The following JPH3 variants were observed in gnomAD, a reference collection of about 807,000 sequenced individuals.
JPH3 encodes junctophilin-3.
JPH3 carries 11 observed loss-of-function variants against 59.6 expected under a neutral mutation model. That is an observed-to-expected ratio of 0.18 (90% confidence interval 0.12 to 0.31). JPH3 has a LOEUF of 0.31. JPH3 is among the 10% of genes least tolerant of loss of function. The pLI is 1.00. For synonymous variants in JPH3, 673 were observed against 483.6 expected (o/e 1.39, Z -5.14); for missense variants, 1,202 against 1,105.7 (o/e 1.09, Z -1.24).
intron 2 of JPH3, among the ~76,000 whole-genome samples, chr16:87,668,097 C>T (rs747444998): frequency 6.6e-6 from 1 of 152,204 alleles, no homozygotes; most frequent in Non-Finnish European, 1.5e-5. Flanking sequence ...CAGAGCGCAG[C>T]GCCCGGCTCC....
intron 2 of JPH3, among the ~76,000 whole-genome samples, chr16:87,662,823 A>AG (rs929132367): frequency 6.6e-6 from 1 of 152,184 alleles, no homozygotes; most frequent in Non-Finnish European, 1.5e-5. Context: ...TCCACCTTCC[A>AG]GGGGGCAGCC....
intron 2 of JPH3, among the ~76,000 whole-genome samples, chr16:87,659,803 A>G (rs1291221921): frequency 6.6e-6 from 1 of 152,060 alleles, no homozygotes; most frequent in African/African-American, 2.4e-5. Context: ...TGGTGCAACC[A>G]TGACCACCAT....
intron 1 of JPH3, among the ~76,000 whole-genome samples, chr16:87,632,134 C>T (rs1265505411): frequency 1.3e-5 from 2 of 152,188 alleles, no homozygotes; most frequent in Non-Finnish European, 2.9e-5. Context: ...TCGCTTCTGG[C>T]TACAGTCTGT....
chr16:87,612,303 G>T (rs1282809656), intron 1 of JPH3, among the ~76,000 whole-genome samples: 1 of 152,048 alleles, frequency 6.6e-6, no homozygotes, highest in Non-Finnish European at 1.5e-5. Flanking sequence ...TTTGTTATTT[G>T]TTGTAGAGAT....
intron 1 of JPH3, among the ~76,000 whole-genome samples, chr16:87,628,668 C>A (rs1043122670): frequency 1.3e-5 from 2 of 152,178 alleles, no homozygotes; most frequent in South Asian, 4.1e-4. Flanking sequence ...ATGTCTCCCT[C>A]GCGGGGCTGT....
intron 1 of JPH3, among the ~76,000 whole-genome samples, chr16:87,621,999 T>C (rs1224607122): frequency 6.6e-6 from 1 of 152,184 alleles, no homozygotes; most frequent in Non-Finnish European, 1.5e-5. Flanking sequence ...CTCACTCTAC[T>C]GTGATCTCAG....
chr16:87,690,144 C>G lies in JPH3; in HGVS notation c.1784C>G (p.Pro595Arg). 1 of 1,596,510 alleles carries G rather than the reference C, an allele frequency of 6.3e-7. No individual in the cohort carries two copies. The highest frequency in any genetic ancestry group is 2.3e-5 in the East Asian group (1 of 43,630). ...TSHHRASNHSPGGSRLLELQE... is the reference protein window; with the variant it reads ...TSHHRASNHSRGGSRLLELQE... ...CACCACCGGGCCAGCAACCACAGCCCCGGAGGCTCCAGGCTGCTGGAGCTG... is the reference window on the plus strand; with the variant it reads ...CACCACCGGGCCAGCAACCACAGCCGCGGAGGCTCCAGGCTGCTGGAGCTG... Residue 595 changes from proline to arginine, a missense_variant, in exon 4 of 5, where the codon CCC (proline) becomes CGC (arginine). Physicochemically the swap from Pro to Arg is moderately radical, Grantham distance 103 (BLOSUM62 -2). Coordinates refer to ENST00000284262, the MANE Select transcript of JPH3 (RefSeq NM_020655.4).
chr16:87,621,560 C>G (rs1004192079), intron 1 of JPH3, among the ~76,000 whole-genome samples: 2 of 152,232 alleles, frequency 1.3e-5, no homozygotes, highest in African/African-American at 4.8e-5. Context: ...CTGAGAGAAA[C>G]ACACCCACCT....
rs751075403 is a variant in JPH3, at chr16:87,659,387, GAAAA to G, written c.1160+14360_1160+14363del. On this transcript the variant is annotated intron_variant, in intron 2 of 4. Coordinates refer to ENST00000284262, the MANE Select transcript of JPH3 (RefSeq NM_020655.4). ...GTAAGACTGTCTCAAAAAAAAAAAAGAAAAAAAAAAAGAAAACTACACACACATA... is the reference window on the plus strand; with the variant it reads ...GTAAGACTGTCTCAAAAAAAAAAAAGAAAAAAAGAAAACTACACACACATA... 2.9e-5 allele frequency among the ~76,000 whole-genome samples: 2 copies of G among 68,588 alleles called. 1 individual carries two copies. Among genetic ancestry groups the G allele is most frequent in the East Asian group, 1.4e-3 (2 of 1,380 alleles). 45.0% of individuals were successfully genotyped at this position (68,588 alleles called of 152,430 possible).
At chr16:87,661,894 C>T (rs1438215421) in intron 2 of JPH3, among the ~76,000 whole-genome samples, 1 of 152,238 alleles carries the variant, frequency 6.6e-6, no homozygotes, top group African/African-American at 2.4e-5. Flanking sequence ...ATTTCATTGC[C>T]TCACACTCAC....
intron 1 of JPH3, among the ~76,000 whole-genome samples, chr16:87,631,217 T>C (rs8051715): frequency 0.25 from 37,546 of 152,112 alleles, 5,011 homozygotes; most frequent in African/African-American, 0.34. Context: ...TTTCCTTCAC[T>C]TCTCCTGTGT....
chr16:87,617,871 C>G (rs2573118), intron 1 of JPH3, among the ~76,000 whole-genome samples: 150,506 of 152,210 alleles, frequency 0.99, 74,435 homozygotes, highest in Middle Eastern at 1. Flanking sequence ...TTGAATAGTG[C>G]GAGGGGAGTG....
chr16:87,688,902 G>A (rs1051808920), intron 3 of JPH3, among the ~76,000 whole-genome samples: 26 of 152,188 alleles, frequency 1.7e-4, no homozygotes, highest in African/African-American at 6.3e-4. Context: ...ACCTCCTGCT[G>A]GGGGCTCACG....
chr16:87,672,688 T>G (rs555104325), intron 2 of JPH3, among the ~76,000 whole-genome samples: 1 of 152,276 alleles, frequency 6.6e-6, no homozygotes, highest in Admixed American at 6.5e-5. Flanking sequence ...CAGAGCAGGG[T>G]GTCCACGTGG....
chr16:87,641,987 G>A (rs1027004195), intron 1 of JPH3, among the ~76,000 whole-genome samples: 6 of 152,232 alleles, frequency 3.9e-5, no homozygotes, highest in African/African-American at 1.4e-4. Context: ...TGTGGAGGAG[G>A]GGTGGGGCTG....
Position 87,697,026 on chromosome 16 carries a change from C to T in JPH3, c.*366C>T, listed in dbSNP as rs562154806. ...TCTTGGGTGTGGATGGAGGGCAGCC[C>T]GGGGCAGAGCCTCAGCCCCGCGGCC... On this transcript the variant is annotated 3_prime_UTR_variant, in exon 5 of 5. Coordinates refer to ENST00000284262, the MANE Select transcript of JPH3 (RefSeq NM_020655.4). 146 of 297,722 alleles carry T rather than the reference C, an allele frequency of 4.9e-4. 2 individuals carry two copies. The highest frequency in any genetic ancestry group is 2.7e-3 in the South Asian group (80 of 29,306). The allele number at this position is 297,722 out of a possible 1,614,324, so 18.4% of individuals were successfully genotyped here. A position where few individuals can be genotyped will look rare whatever the true frequency, so the allele number is the denominator to read the frequency against.
chr16:87,623,406 G>A (rs936540652), intron 1 of JPH3, among the ~76,000 whole-genome samples: 9 of 152,214 alleles, frequency 5.9e-5, no homozygotes, highest in Non-Finnish European at 8.8e-5. Flanking sequence ...AGGACCTGGG[G>A]TAACCCTATC....
intron 2 of JPH3, among the ~76,000 whole-genome samples, chr16:87,672,794 T>C (rs561437215): frequency 1.2e-4 from 18 of 152,292 alleles, no homozygotes; most frequent in African/African-American, 3.1e-4. Flanking sequence ...CAGGTGGCCA[T>C]TGGGGAAAGG....
At chr16:87,670,208 TG>T (rs1479208758) in intron 2 of JPH3, among the ~76,000 whole-genome samples, 2 of 151,718 alleles carry the variant, frequency 1.3e-5, no homozygotes, top group Non-Finnish European at 2.9e-5. Context: ...GCAGCGAGGG[TG>T]GGGGTCTGTG....
Sources: gnomAD v4.1 joint callset for allele counts (sites outside exome capture counted in the v4.1 genomes callset) on GRCh38, gnomAD v4.1.1 for gene constraint, MANE v1.5 for transcripts, NCBI Gene and HGNC (gene_info 2026-07-23, HGNC 2026-07-21) for gene names.